Variants in ME2 observed in about 807,000 individuals in gnomAD.
ME2 encodes NAD-dependent malic enzyme, mitochondrial.
ME2 carries 60 observed loss-of-function variants against 73.7 expected under a neutral mutation model. The observed-to-expected ratio is 0.81, with a 90% CI of 0.66 to 1.01. The LOEUF (loss-of-function observed/expected upper bound fraction) is 1.01, where lower values mean the gene tolerates loss of function less well. Ranked by LOEUF, ME2 falls within the 50% of genes least tolerant of loss-of-function variation. ME2 has a pLI of 0.00. For missense variants in ME2, 594 were observed against 705.5 expected, an observed-to-expected ratio of 0.84 and a Z score of 1.79; for synonymous variants, 199 against 236.9, an observed-to-expected ratio of 0.84 and a Z score of 1.47.
At chr18:50,901,049 A>G (rs116509065) in intron 2 of ME2, among the ~76,000 whole-genome samples, 120 of 152,332 alleles carry the variant, frequency 7.9e-4, no homozygotes, top group African/African-American at 2.7e-3. Flanking sequence ...GCCATAGAAC[A>G]TGTGATGTGA....
chr18:50,939,030 A>G (rs2144266159), intron 13 of ME2: 1 of 152,162 alleles, frequency 6.6e-6, no homozygotes, highest in Middle Eastern at 3.4e-3. Flanking sequence ...AGAAGAAAGA[A>G]AGCTGAAAAT....
chr18:50,896,979 T>G (rs142147746), intron 2 of ME2, among the ~76,000 whole-genome samples: 4 of 152,346 alleles, frequency 2.6e-5, no homozygotes, highest in African/African-American at 9.6e-5. Context: ...TCATTTGCTC[T>G]TTAAGATGCA....
chr18:50,924,887 G>C (rs1003423131), intron 11 of ME2, among the ~76,000 whole-genome samples: 9 of 151,730 alleles, frequency 5.9e-5, no homozygotes, highest in African/African-American at 2.2e-4. Flanking sequence ...TCACCATGTT[G>C]ACCAGGCTGG....
intron 10 of ME2, among the ~76,000 whole-genome samples, chr18:50,921,859 T>C (rs1158928140): frequency 6.6e-6 from 1 of 152,242 alleles, no homozygotes. Flanking sequence ...TCTCCCAGAT[T>C]AACTTAGTAC....
At chr18:50,894,000 C>T (rs1916671257) in intron 1 of ME2, among the ~76,000 whole-genome samples, 1 of 152,196 alleles carries the variant, frequency 6.6e-6, no homozygotes. Context: ...ACATCTATGA[C>T]TATTTAATAT....
intron 1 of ME2, among the ~76,000 whole-genome samples, chr18:50,887,536 A>T (rs1916501243): frequency 6.6e-6 from 1 of 152,230 alleles, no homozygotes; most frequent in African/African-American, 2.4e-5. Flanking sequence ...ATAAATGAAG[A>T]CTGTATCCTC....
At chr18:50,887,515 CTT>C (rs774302502) in intron 1 of ME2, among the ~76,000 whole-genome samples, 7 of 152,202 alleles carry the variant, frequency 4.6e-5, no homozygotes, top group Non-Finnish European at 7.4e-5. Flanking sequence ...TGGGGAAACA[CTT>C]TTCTCTCCAT....
Position 50,940,285 on chromosome 18 carries a change from C to T in ME2, c.1489-3C>T. 1 of 1,597,292 alleles carries T rather than the reference C, an allele frequency of 6.3e-7. No homozygotes were observed. The highest frequency in any genetic ancestry group is 8.5e-7 in the Non-Finnish European group (1 of 1,174,092). ...AAAAGCAAAATGCTGTTTTTCTCTT[C>T]AGGCCCTGACAAGCCAATTGACAGA... On this transcript the variant is annotated splice_polypyrimidine_tract_variant and splice_region_variant and intron_variant, in intron 14 of 15. Transcript: ENST00000321341.
intron 5 of ME2, chr18:50,916,504 G>GCCTTCT (rs1917288994): frequency 1.0e-5 from 3 of 300,186 alleles, no homozygotes; most frequent in South Asian, 2.6e-4. Flanking sequence ...GGTGTCTCCT[G>GCCTTCT]CCTTCTCAAT....
At chr18:50,910,268 CAAAAAAA>C (rs74176794) in intron 3 of ME2, among the ~76,000 whole-genome samples, 3 of 35,276 alleles carry the variant, frequency 8.5e-5, no homozygotes, top group South Asian at 1.7e-3. Flanking sequence ...CCTGTTTCTA[CAAAAAAA>C]AAAAAAAAAA....
At chr18:50,946,322 C>T (rs1021629315) in intron 15 of ME2, among the ~76,000 whole-genome samples, 6 of 152,036 alleles carry the variant, frequency 3.9e-5, no homozygotes, top group Non-Finnish European at 5.9e-5. Context: ...GGGGAGTAGT[C>T]GAGCTTACTG....
chr18:50,932,454 C>A, intron 13 of ME2, 94 bp downstream of exon 13: 1 of 831,588 alleles, frequency 1.2e-6, no homozygotes, highest in Non-Finnish European at 1.8e-6. Context: ...AACTGAGCAA[C>A]AGTATTACAG....
intron 1 of ME2, among the ~76,000 whole-genome samples, chr18:50,893,797 G>T (rs569018779): frequency 1.3e-5 from 2 of 152,142 alleles, no homozygotes; most frequent in South Asian, 4.1e-4. Context: ...TTCTTTGTCA[G>T]TGTTTTCTTA....
At chr18:50,897,031 C>T (rs888158680) in intron 2 of ME2, among the ~76,000 whole-genome samples, 10 of 152,306 alleles carry the variant, frequency 6.6e-5, no homozygotes, top group Admixed American at 3.3e-4. Context: ...CTTTTTACAC[C>T]ACCATGGACT....
At chr18:50,910,132 A>G (rs1028519907) in intron 3 of ME2, among the ~76,000 whole-genome samples, 1 of 151,898 alleles carries the variant, frequency 6.6e-6, no homozygotes, top group African/African-American at 2.4e-5. Flanking sequence ...ATGTGGCTAT[A>G]AGATAAAGCT....
chr18:50,880,713 T>C (rs562951634), intron 1 of ME2, among the ~76,000 whole-genome samples: 6 of 152,220 alleles, frequency 3.9e-5, no homozygotes, highest in African/African-American at 1.2e-4. Flanking sequence ...CGACCGCGCC[T>C]AGCTCCTAAT....
At chr18:50,927,338 T>G (rs572864819) in intron 12 of ME2, among the ~76,000 whole-genome samples, 1 of 152,274 alleles carries the variant, frequency 6.6e-6, no homozygotes, top group African/African-American at 2.4e-5. Context: ...TTCACTCCTT[T>G]AAAACAACGT....
rs940556670 is a variant in ME2, at chr18:50,950,421, A to G, written c.*3237A>G. The G allele has an allele frequency of 3.7e-5, 5 of 134,434 alleles. No homozygotes were observed. The highest frequency in any genetic ancestry group is 6.2e-5 in the Non-Finnish European group (4 of 64,608). 8.3% of individuals were successfully genotyped at this position (134,434 alleles called of 1,614,324 possible). A position where few individuals can be genotyped will look rare whatever the true frequency, so the allele number is the denominator to read the frequency against. ...CAGAATCTTTTGGAGAACTAACAAGATTCTGATGCTGATGCATAGGGCCTG... is the reference window on the plus strand; with the variant it reads ...CAGAATCTTTTGGAGAACTAACAAGGTTCTGATGCTGATGCATAGGGCCTG... On this transcript the variant is annotated 3_prime_UTR_variant, in exon 16 of 16. Transcript: ENST00000321341.
Position 50,925,662 on chromosome 18 carries a change from T to G in ME2, c.1172-94T>G, listed in dbSNP as rs930381993. ...TTTGTAATGAGATATTACCTGTGTT[T>G]TTATTATTGTAGGCCTATTGTAGAA... is the stretch of plus-strand genomic sequence containing the variant. On this transcript the variant is annotated intron_variant, in intron 11 of 15. Coordinates refer to ENST00000321341, the MANE Select transcript of ME2 (RefSeq NM_002396.5). The G allele has an allele frequency of 6.8e-6, 7 of 1,023,746 alleles. No individual in the cohort carries two copies. The South Asian group carries it at 1.0e-4, about 15-fold the overall frequency. 63.4% of individuals were successfully genotyped at this position (1,023,746 alleles called of 1,614,324 possible).
Sources: allele counts gnomAD v4.1 joint callset (sites outside exome capture counted in the v4.1 genomes callset), GRCh38; gene constraint gnomAD v4.1.1; transcripts MANE v1.5; gene names NCBI Gene and HGNC (gene_info 2026-07-23, HGNC 2026-07-21).